AGL: variants seen among roughly 807,000 people sequenced by gnomAD.
AGL encodes the protein amylo-alpha-1,6-glucosidase and 4-alpha-glucanotransferase.
In AGL, 128 loss-of-function variants were observed where a neutral mutation model predicts 199.3. That is an observed-to-expected ratio of 0.64 (90% confidence interval 0.56 to 0.74). The LOEUF is 0.74. AGL is among the 30% of genes least tolerant of loss of function. The pLI is 0.00. For missense variants in AGL, 1,809 were observed against 1,820.8 expected, an observed-to-expected ratio of 0.99 and a Z score of 0.12; for synonymous variants, 584 against 594.7, an observed-to-expected ratio of 0.98 and a Z score of 0.26.
chr1:99,869,201 C>T (rs986168381), intron 5 of AGL, among the ~76,000 whole-genome samples: 1 of 152,002 alleles, frequency 6.6e-6, no homozygotes, highest in Non-Finnish European at 1.5e-5. Flanking sequence ...TGAAAAATAC[C>T]TTGAATTTCA....
chr1:99,901,472 T>A (rs1653834563), intron 26 of AGL, among the ~76,000 whole-genome samples: 1 of 151,826 alleles, frequency 6.6e-6, no homozygotes. Flanking sequence ...TACTTAATAG[T>A]GTTTTTGTAA....
intron 25 of AGL, among the ~76,000 whole-genome samples, chr1:99,899,510 T>C (rs1319487041): frequency 9.4e-5 from 7 of 74,628 alleles, no homozygotes; most frequent in Admixed American, 1.3e-4. Context: ...TTTGTTTTCT[T>C]TCTCTCTCTC....
chr1:99,909,935 C>G (rs978482376), intron 27 of AGL, among the ~76,000 whole-genome samples: 1 of 151,974 alleles, frequency 6.6e-6, no homozygotes, highest in Non-Finnish European at 1.5e-5. Flanking sequence ...ATTCAGTGTA[C>G]TATAATATAT....
intron 27 of AGL, among the ~76,000 whole-genome samples, chr1:99,904,205 C>T (rs1483909423): frequency 6.6e-6 from 1 of 152,202 alleles, no homozygotes; most frequent in African/African-American, 2.4e-5. Context: ...ACACTATCAT[C>T]GCCGCCAATG....
intron 4 of AGL, among the ~76,000 whole-genome samples, chr1:99,863,338 C>T (rs953175367): frequency 2.0e-5 from 3 of 152,068 alleles, no homozygotes; most frequent in Non-Finnish European, 4.4e-5. Flanking sequence ...AAACACTTAT[C>T]ATTTCTAAGA....
At chr1:99,911,976 A>C (rs573902578) in intron 28 of AGL, among the ~76,000 whole-genome samples, 1 of 152,132 alleles carries the variant, frequency 6.6e-6, no homozygotes, top group East Asian at 1.9e-4. Context: ...TTTTTTAAAA[A>C]TCTATTTGGT....
At chr1:99,887,158 A>G (rs1448285342) in intron 20 of AGL, among the ~76,000 whole-genome samples, 1 of 152,220 alleles carries the variant, frequency 6.6e-6, no homozygotes, top group African/African-American at 2.4e-5. Flanking sequence ...CTAAATGGGA[A>G]AGAAAGATAC....
At chr1:99,851,418 T>G (rs1648944832) in intron 2 of AGL, among the ~76,000 whole-genome samples, 1 of 152,228 alleles carries the variant, frequency 6.6e-6, no homozygotes, top group African/African-American at 2.4e-5. Flanking sequence ...TTGCCCATAT[T>G]ATTTCTAATA....
intron 2 of AGL, among the ~76,000 whole-genome samples, chr1:99,856,314 CCCTCCCTT>C (rs1649423850): frequency 9.7e-5 from 2 of 20,654 alleles, no homozygotes; most frequent in East Asian, 1.5e-3. Context: ...CTTCCTCCCT[CCCTCCCTT>C]CCTTCCTCCC....
chr1:99,900,775 G>A lies in AGL; in HGVS notation c.3502G>A (p.Val1168Ile). ...GTGTATCCAGGATTACTGTAAAATG[G>A]TTCCAAATGGTCTAGACATTCTCAA... is the stretch of plus-strand genomic sequence containing the variant. Reference protein sequence around the residue: ...LQCIQDYCKMVPNGLDILKCP... With the variant: ...LQCIQDYCKMIPNGLDILKCP... The change falls in exon 26 of 34, where the codon GTT becomes ATT. Residue 1168 changes from valine (V) to isoleucine (I), a missense_variant. Transcript: ENST00000361915. 2 of 1,614,020 alleles carry A rather than the reference G, an allele frequency of 1.2e-6. No homozygotes were observed. Among genetic ancestry groups the A allele is most frequent in the Non-Finnish European group, 1.7e-6 (2 of 1,179,980 alleles).
chr1:99,913,742 G>C lies in AGL; in HGVS notation c.4161+4G>C, dbSNP rs1452329463. The C allele has an allele frequency of 6.2e-7, 1 of 1,612,790 alleles. No homozygotes were observed. The highest frequency in any genetic ancestry group is 2.2e-5 in the East Asian group (1 of 44,852). On this transcript the variant is annotated splice_donor_region_variant and intron_variant, in intron 30 of 33. Transcript: ENST00000361915. ...TTTTACCATAGCAATGGTTGTGGTA[G>C]GTGATTCGTTTGTAAAAACATTTCA...
intron 20 of AGL, 105 bp from the exon 21 acceptor site, chr1:99,887,873 C>A: frequency 3.1e-6 from 4 of 1,282,330 alleles, no homozygotes; most frequent in Non-Finnish European, 4.4e-6. Flanking sequence ...CTAAAACATA[C>A]ACTGCTAAGA....
intron 24 of AGL, 57 bp downstream of exon 24, chr1:99,892,664 A>T: frequency 1.3e-6 from 2 of 1,532,098 alleles, no homozygotes; most frequent in Non-Finnish European, 1.8e-6. Flanking sequence ...GCGGAAGAAA[A>T]GTTATAGGAA....
At chr1:99,916,302 A>G (rs995501130) in intron 31 of AGL, 108 bp from the exon 32 acceptor site, 2 of 885,092 alleles carry the variant, frequency 2.3e-6, no homozygotes, top group Non-Finnish European at 3.6e-6. Context: ...TCTGTAGAAG[A>G]CAAAATAATT....
intron 2 of AGL, among the ~76,000 whole-genome samples, chr1:99,856,370 T>TCCTC (rs1649452824): frequency 1.0e-5 from 1 of 99,036 alleles, no homozygotes; most frequent in Non-Finnish European, 2.0e-5. Context: ...CTCCCTTCCT[T>TCCTC]CCTCCCTTCC....
chr1:99,875,412 C>T lies in AGL; in HGVS notation c.1240C>T (p.Pro414Ser). The T allele has an allele frequency of 6.2e-7, 1 of 1,614,096 alleles. No individual in the cohort carries two copies. Among genetic ancestry groups the T allele is most frequent in the Non-Finnish European group, 8.5e-7 (1 of 1,180,014 alleles). Residue 414 changes from proline to serine, a missense_variant, in exon 10 of 34, where the codon CCA becomes TCA. Transcript: ENST00000361915. ...VFYERLAGHG[P>S]KLGPVTRKHP... ...TTATGAACGACTGGCTGGCCATGGT[C>T]CAAAACTAGGACCTGTCACTAGAAA...
At chr1:99,866,715 T>C (rs1475397939) in intron 5 of AGL, among the ~76,000 whole-genome samples, 1 of 152,212 alleles carries the variant, frequency 6.6e-6, no homozygotes, top group East Asian at 1.9e-4. Context: ...GGAGATTCTG[T>C]GCAATGTAAA....
intron 14 of AGL, 83 bp downstream of exon 14, chr1:99,880,878 C>A: frequency 6.8e-7 from 1 of 1,468,760 alleles, no homozygotes; most frequent in South Asian, 1.1e-5. Flanking sequence ...CAATCATACC[C>A]ATATACTTCA....
intron 27 of AGL, among the ~76,000 whole-genome samples, chr1:99,907,728 A>AG (rs1020489956): frequency 1.6e-5 from 2 of 126,058 alleles, no homozygotes; most frequent in African/African-American, 5.8e-5. Flanking sequence ...AATGGCTATG[A>AG]GGTGGTATCT....
Sources: gnomAD v4.1 joint callset for allele counts (sites outside exome capture counted in the v4.1 genomes callset) on GRCh38, gnomAD v4.1.1 for gene constraint, MANE v1.5 for transcripts, NCBI Gene and HGNC (gene_info 2026-07-23, HGNC 2026-07-21) for gene names.